AP5M1: variants seen among roughly 807,000 people sequenced by gnomAD.
AP5M1 encodes the protein AP-5 complex subunit mu-1.
A neutral mutation model predicts 52.3 loss-of-function variants in AP5M1; 44 were observed. The ratio of observed to expected loss-of-function variants is 0.84; its 90% CI spans 0.66 to 1.08. The LOEUF (loss-of-function observed/expected upper bound fraction) is 1.08, where lower values mean the gene tolerates loss of function less well. AP5M1 is among the 50% of genes least tolerant of loss of function. AP5M1 has a pLI of 0.00. For missense variants in AP5M1, 526 were observed against 568.4 expected (o/e 0.93, Z 0.76); for synonymous variants, 213 against 199.0 (o/e 1.07, Z -0.59).
At chr14:57,272,654 C>T (rs1249091826) in intron 1 of AP5M1, among the ~76,000 whole-genome samples, 1 of 152,116 alleles carries the variant, frequency 6.6e-6, no homozygotes, top group Non-Finnish European at 1.5e-5. Flanking sequence ...AATTTTTATA[C>T]TTAAGAACTT....
Position 57,298,641 on chromosome 14 carries a change from T to G in AP5M1, c.*9757T>G, listed in dbSNP as rs191322445. Reference sequence around the variant, plus strand: ...CAGATTATCAAAATTATATGAATTGTCCATGTGCCCTTGGTTTTGAATGTT... The same window carrying G: ...CAGATTATCAAAATTATATGAATTGGCCATGTGCCCTTGGTTTTGAATGTT... On this transcript the variant is annotated 3_prime_UTR_variant, in exon 8 of 8. Transcript: ENST00000261558. 1 of 152,296 alleles carries G rather than the reference T, an allele frequency of 6.6e-6. No homozygotes were observed. The highest frequency in any genetic ancestry group is 2.4e-5 in the African/African-American group (1 of 41,570). The allele number at this position is 152,296 out of a possible 1,614,324, so 9.4% of individuals were successfully genotyped here. A position where few individuals can be genotyped will look rare whatever the true frequency, so the allele number is the denominator to read the frequency against.
rs201383005 is a variant in AP5M1, at chr14:57,289,577, CTT to C, written c.*695_*696del. On this transcript the variant is annotated 3_prime_UTR_variant, in exon 8 of 8. Coordinates refer to ENST00000261558, the MANE Select transcript of AP5M1 (RefSeq NM_018229.4). ...TTTAAGTAAGCTTGTTAATCTGCCA[CTT>C]TGACATTTTGCTTAGGATGTCAGTA... 1.3e-5 allele frequency: 2 copies of C among 152,006 alleles called. No homozygotes were observed. The highest frequency in any genetic ancestry group is 3.9e-4 in the East Asian group (2 of 5,182). 9.4% of individuals were successfully genotyped at this position (152,006 alleles called of 1,614,324 possible).
At chr14:57,285,082 G>T (rs1432060277) in intron 6 of AP5M1, among the ~76,000 whole-genome samples, 1 of 151,716 alleles carries the variant, frequency 6.6e-6, no homozygotes, top group Non-Finnish European at 1.5e-5. Flanking sequence ...GGAATTGAAG[G>T]AGTGATTAGA....
chr14:57,269,997 AG>A (rs539132306), intron 1 of AP5M1, among the ~76,000 whole-genome samples: 125 of 152,180 alleles, frequency 8.2e-4, no homozygotes, highest in African/African-American at 3.0e-3. Context: ...TTTGGTAGAG[AG>A]GGGGTTTCAC....
chr14:57,272,564 A>G, intron 1 of AP5M1, among the ~76,000 whole-genome samples: 1 of 152,222 alleles, frequency 6.6e-6, no homozygotes, highest in East Asian at 1.9e-4. Context: ...AGGTTGAGTC[A>G]TCCAACAAAA....
At chr14:57,281,602 G>A (rs1885175980) in intron 3 of AP5M1, among the ~76,000 whole-genome samples, 1 of 152,232 alleles carries the variant, frequency 6.6e-6, no homozygotes, top group African/African-American at 2.4e-5. Flanking sequence ...GGCTTGCCCT[G>A]TATAAGTAGT....
In AP5M1 at chr14:57,290,457, A is replaced by G. The variant is rs1885412794; in HGVS notation, c.*1573A>G. 1 of 151,966 alleles carries G rather than the reference A, an allele frequency of 6.6e-6. No homozygotes were observed. Among genetic ancestry groups the G allele is most frequent in the Admixed American group, 6.6e-5 (1 of 15,220 alleles). 9.4% of individuals were successfully genotyped at this position (151,966 alleles called of 1,614,324 possible). On this transcript the variant is annotated 3_prime_UTR_variant, in exon 8 of 8. Coordinates refer to ENST00000261558, the MANE Select transcript of AP5M1 (RefSeq NM_018229.4). ...AAAGCTTAACATTTCACTTATGTTG[A>G]TAAGTTAATGGTAATGGAGCCATTT...
At position 57,295,274 on chromosome 14, in the gene AP5M1, T is replaced by C. The variant is rs1040099246; in HGVS notation, c.*6390T>C. On this transcript the variant is annotated 3_prime_UTR_variant, in exon 8 of 8. Coordinates refer to ENST00000261558, the MANE Select transcript of AP5M1 (RefSeq NM_018229.4). ...GAAGAAGAGGAATGACTGGATCAAATTAATAGAAATAGATCTTTTTGCAAG... is the reference window on the plus strand; with the variant it reads ...GAAGAAGAGGAATGACTGGATCAAACTAATAGAAATAGATCTTTTTGCAAG... 6 of 151,910 alleles carry C rather than the reference T, an allele frequency of 3.9e-5. No homozygotes were observed. Among genetic ancestry groups the C allele is most frequent in the African/African-American group, 1.4e-4 (6 of 41,408 alleles). The allele number at this position is 151,910 out of a possible 1,614,324, so 9.4% of individuals were successfully genotyped here.
chr14:57,282,487 G>T (rs1189902), intron 4 of AP5M1, among the ~76,000 whole-genome samples: 2 of 151,862 alleles, frequency 1.3e-5, no homozygotes, highest in South Asian at 4.1e-4. Context: ...TTTTTCTACC[G>T]GATTTATTTC....
At chr14:57,279,765 T>G (rs61996661) in intron 2 of AP5M1, among the ~76,000 whole-genome samples, 57 of 152,062 alleles carry the variant, frequency 3.7e-4, no homozygotes, top group Non-Finnish European at 8.1e-4. Context: ...TGAAGTAGAA[T>G]CACTGAAAGG....
Position 57,272,837 on chromosome 14 carries a change from G to C in AP5M1, c.75-1407G>C, listed in dbSNP as rs142658065. Among the ~76,000 whole-genome samples, 313 of 152,272 alleles carry C rather than the reference G, an allele frequency of 2.1e-3. 2 individuals are homozygous for C. The highest frequency in any genetic ancestry group is 7.2e-3 in the African/African-American group (298 of 41,558). On this transcript the variant is annotated intron_variant, in intron 1 of 7. Coordinates refer to ENST00000261558, the MANE Select transcript of AP5M1 (RefSeq NM_018229.4). Reference sequence around the variant, plus strand: ...CTTTCTTAATCAAGAAAATGCATCAGAATGTAGGTGATATTTACCTACACA... The same window carrying C: ...CTTTCTTAATCAAGAAAATGCATCACAATGTAGGTGATATTTACCTACACA...
chr14:57,282,991 A>G lies in AP5M1; in HGVS notation c.1146A>G (p.Arg382=), dbSNP rs755764152. ...KTSFGQLEVF[R]EKSLLIWIIG... is the part of the protein sequence containing the mutation. ...GTTTTGGCCAGCTTGAAGTATTTCG[A>G]GAGAAAAGCTTATTGATCTGGATTA... Residue 382 remains arginine (R), a synonymous_variant, in exon 5 of 8, where the codon CGA becomes CGG. Transcript: ENST00000261558. The G allele has an allele frequency of 4.2e-5, 68 of 1,600,444 alleles. No homozygotes were observed. The highest frequency in any genetic ancestry group is 5.5e-5 in the Non-Finnish European group (64 of 1,171,928).
At chr14:57,273,851 G>A in intron 1 of AP5M1, 1 of 650,720 alleles carries the variant, frequency 1.5e-6, no homozygotes. Context: ...CCCTACTCTA[G>A]CTACTAAGAT....
In AP5M1 at chr14:57,296,534, A is replaced by G. The variant is rs1885556136; in HGVS notation, c.*7650A>G. ...AAAATAAAGTAGATGCCACGCTTCTAATTCTGCTTTTGCTAAGGCAATAAT... is the reference window on the plus strand; with the variant it reads ...AAAATAAAGTAGATGCCACGCTTCTGATTCTGCTTTTGCTAAGGCAATAAT... On this transcript the variant is annotated 3_prime_UTR_variant, in exon 8 of 8. Coordinates refer to ENST00000261558, the MANE Select transcript of AP5M1 (RefSeq NM_018229.4). The G allele has an allele frequency of 1.3e-5, 2 of 152,236 alleles. No individual in the cohort carries two copies. Among genetic ancestry groups the G allele is most frequent in the Non-Finnish European group, 2.9e-5 (2 of 67,966 alleles). The allele number at this position is 152,236 out of a possible 1,614,324, so 9.4% of individuals were successfully genotyped here.
In AP5M1 at chr14:57,294,974, A is replaced by G. The variant is rs1334311174; in HGVS notation, c.*6090A>G. ...TATTTTTTAAAAAAGTGAGTACTCAACAGATAATACTTTGGTACTGCCCGT... is the reference window on the plus strand; with the variant it reads ...TATTTTTTAAAAAAGTGAGTACTCAGCAGATAATACTTTGGTACTGCCCGT... On this transcript the variant is annotated 3_prime_UTR_variant, in exon 8 of 8. Transcript: ENST00000261558. 6.6e-6 allele frequency: 1 copy of G among 151,940 alleles called. No homozygotes were observed. The highest frequency in any genetic ancestry group is 1.5e-5 in the Non-Finnish European group (1 of 67,858). The allele number at this position is 151,940 out of a possible 1,614,324, so 9.4% of individuals were successfully genotyped here.
chr14:57,274,915 T>G, intron 2 of AP5M1, 26 bp downstream of exon 2: 1 of 1,612,816 alleles, frequency 6.2e-7, no homozygotes, highest in East Asian at 2.2e-5. Context: ...GGTACTTGCT[T>G]TATCGTTTTA....
chr14:57,274,794 G>C lies in AP5M1; in HGVS notation c.625G>C (p.Val209Leu). ...KTGTYKGKPQ[V>L]SISITEKVKS... ...TGGGACGTACAAAGGAAAACCACAA[G>C]TTTCTATTTCTATCACTGAAAAGGT... Residue 209 changes from valine to leucine, a missense_variant, in exon 2 of 8, where the codon GTT (valine) becomes CTT (leucine). Val to Leu is a conservative substitution (Grantham distance 32). Around this residue, in one of 3 missense-constraint regions of AP5M1, gnomAD observed 425 missense variants for 430.6 expected, o/e 0.99. Transcript: ENST00000261558. The C allele has an allele frequency of 1.2e-6, 2 of 1,614,148 alleles. No homozygotes were observed. The highest frequency in any genetic ancestry group is 1.7e-6 in the Non-Finnish European group (2 of 1,180,026).
At chr14:57,272,535 A>G (rs1055591212) in intron 1 of AP5M1, among the ~76,000 whole-genome samples, 21 of 152,242 alleles carry the variant, frequency 1.4e-4, no homozygotes, top group African/African-American at 4.6e-4. Flanking sequence ...GAAAAAGCAT[A>G]TAATAAATTA....
At chr14:57,286,345 T>C in intron 7 of AP5M1, 26 bp downstream of exon 7, 1 of 1,404,504 alleles carries the variant, frequency 7.1e-7, no homozygotes, top group South Asian at 1.2e-5. Flanking sequence ...TCAAACTAAC[T>C]TAAGGGAATT....
Sources: gnomAD v4.1 joint callset for allele counts (sites outside exome capture counted in the v4.1 genomes callset) on GRCh38, gnomAD v4.1.1 for gene constraint, gnomAD v4.1.1 regional missense constraint, MANE v1.5 for transcripts, NCBI Gene and HGNC (gene_info 2026-07-23, HGNC 2026-07-21) for gene names.